Variants in KDM5C observed in about 807,000 individuals in gnomAD.
The protein encoded by KDM5C is lysine demethylase 5C.
In KDM5C, 16 loss-of-function variants were observed where a neutral mutation model predicts 110.6. The observed-to-expected ratio is 0.14, with a 90% CI of 0.10 to 0.22. The LOEUF is 0.22. Ranked by LOEUF, KDM5C falls within the 10% of genes least tolerant of loss-of-function variation. The probability of loss-of-function intolerance (pLI) is 1.00; values close to 1 mark genes in which losing one functional copy is unlikely to be tolerated. For missense variants in KDM5C, 681 were observed against 1,300.9 expected (o/e 0.52, Z 7.33); for synonymous variants, 511 against 520.4 (o/e 0.98, Z 0.24).
intron 8 of KDM5C, among the ~76,000 whole-genome samples, chrX:53,213,511 A>C (rs782086392): frequency 9.9e-5 from 11 of 111,600 alleles, no homozygotes; most frequent in African/African-American, 2.9e-4. Flanking sequence ...GAAGTTCATG[A>C]AATGTACCTG....
At position 53,192,616 on chromosome X, in the gene KDM5C, G is replaced by A. The variant is rs1004477853; in HGVS notation, c.*351C>T. On this transcript the variant is annotated 3_prime_UTR_variant, in exon 26 of 26. Transcript: ENST00000375401. The stretch of plus-strand genomic sequence containing the variant: ...GACCAGAACTGGGGAGAGAAGGGAG[G>A]AGAGTCCCCCAGTTTGCATATACAC... 315 of 690,947 alleles carry A rather than the reference G, an allele frequency of 4.6e-4. No individual in the cohort carries two copies. The highest frequency in any genetic ancestry group is 6.3e-4 in the Non-Finnish European group (290 of 457,710). 56.9% of individuals were successfully genotyped at this position (690,947 alleles called of 1,213,427 possible).
chrX:53,206,863 C>CAAAAAA (rs58880985), intron 12 of KDM5C, among the ~76,000 whole-genome samples: 1 of 22,344 alleles, frequency 4.5e-5, no homozygotes, highest in African/African-American at 2.3e-4. Flanking sequence ...GATTCCTTCT[C>CAAAAAA]AAAAAAAAAA....
At position 53,193,311 on chromosome X, in the gene KDM5C, C is replaced by T. The variant is rs1556832633; in HGVS notation, c.4339G>A (p.Gly1447Arg). The T allele has an allele frequency of 3.3e-6, 4 of 1,210,792 alleles. No homozygotes were observed. The highest frequency in any genetic ancestry group is 3.4e-6 in the Non-Finnish European group (3 of 895,333). The change falls in exon 26 of 26, where the codon GGG becomes AGG. Residue 1447 changes from glycine (G) to arginine (R), a missense_variant. Gly to Arg is a moderately radical substitution (Grantham distance 125). Transcript: ENST00000375401. ...AGGGCCCGGCCCCGAGCCCGACTCC[C>T]GTGACGCTCTGCCTTCTCCAGCTGT... is the stretch of plus-strand genomic sequence containing the variant. ...LLELEKAERHGSRARGRALER... is the reference protein window; with the variant it reads ...LLELEKAERHRSRARGRALER...
At chrX:53,210,960 A>G in intron 10 of KDM5C, 103 bp from the exon 11 acceptor site, 1 of 764,724 alleles carries the variant, frequency 1.3e-6, no homozygotes, top group East Asian at 3.3e-5. Flanking sequence ...TTGAGGTCAG[A>G]GACTTTTTTG....
intron 12 of KDM5C, among the ~76,000 whole-genome samples, chrX:53,203,417 G>T (rs1345990912): frequency 9.0e-6 from 1 of 111,221 alleles, no homozygotes; most frequent in African/African-American, 3.3e-5. Flanking sequence ...TTTCATTAAT[G>T]ATTTCATCCT....
chrX:53,203,261 A>C lies in KDM5C; in HGVS notation c.1747-1288T>G, dbSNP rs782389833. Among the ~76,000 whole-genome samples the C allele has an allele frequency of 3.6e-5, 4 of 110,932 alleles. No individual in the cohort carries two copies. In the South Asian group the frequency reaches 1.5e-3, roughly 42 times the overall value. The stretch of plus-strand genomic sequence containing the variant: ...TTGAAACCTGTTTCTCTCTCTCTCG[A>C]GCTTATAGGATTCTTCTGGTCTCAG... On this transcript the variant is annotated intron_variant, in intron 12 of 25. Coordinates refer to ENST00000375401, the MANE Select transcript of KDM5C (RefSeq NM_004187.5).
intron 5 of KDM5C, 139 bp downstream of exon 5, chrX:53,217,002 CAG>C: frequency 1.3e-6 from 1 of 753,770 alleles, no homozygotes; most frequent in Non-Finnish European, 2.0e-6. Flanking sequence ...AGAGTGAAGC[CAG>C]AGAGAGGCAC....
Position 53,196,955 on chromosome X carries a change from C to T in KDM5C, c.2712G>A (p.Leu904=), listed in dbSNP as rs781869873. 8.4e-7 allele frequency: 1 copy of T among 1,195,893 alleles called. No homozygotes were observed. The highest frequency in any genetic ancestry group is 3.0e-5 in the East Asian group (1 of 32,990). Residue 904 remains leucine, a synonymous_variant, in exon 19 of 26, where the codon CTG becomes CTA. Coordinates refer to ENST00000375401, the MANE Select transcript of KDM5C (RefSeq NM_004187.5). ...LPSSPGLLQS[L]LERGRQLGVE... is the part of the protein sequence containing the mutation. Reference sequence around the variant, plus strand: ...CCCCCAGCTGCCGCCCCCTCTCCAACAGGGACTGCAGTAGCCCTGGACTGG... The same window carrying T: ...CCCCCAGCTGCCGCCCCCTCTCCAATAGGGACTGCAGTAGCCCTGGACTGG...
intron 1 of KDM5C, among the ~76,000 whole-genome samples, chrX:53,223,656 C>T (rs1452054995): frequency 1.8e-5 from 2 of 112,220 alleles, no homozygotes; most frequent in African/African-American, 6.5e-5. Flanking sequence ...CAGCAGCTTG[C>T]CCTAGCCCTT....
At chrX:53,217,509 T>A (rs1351945342) in intron 4 of KDM5C, among the ~76,000 whole-genome samples, 1 of 111,148 alleles carries the variant, frequency 9.0e-6, no homozygotes, top group Non-Finnish European at 1.9e-5. Flanking sequence ...ACCAACCATC[T>A]CCCCAACTAA....
chrX:53,204,337 T>A (rs2146881154), intron 12 of KDM5C, among the ~76,000 whole-genome samples: 1 of 104,376 alleles, frequency 9.6e-6, no homozygotes, highest in East Asian at 3.2e-4. Flanking sequence ...AACCTCAGCA[T>A]CCAGTATGAT....
At chrX:53,190,782 T>C (rs1556829955), downstream of KDM5C, among the ~76,000 whole-genome samples, 1 of 111,682 alleles carries the variant, frequency 9.0e-6, no homozygotes. Context: ...CGGGCTTTCT[T>C]ATTTACCACT....
At chrX:53,205,374 C>G (rs1434351570) in intron 12 of KDM5C, among the ~76,000 whole-genome samples, 1 of 112,404 alleles carries the variant, frequency 8.9e-6, no homozygotes, top group Non-Finnish European at 1.9e-5. Context: ...TTGGACCATG[C>G]ATCAGCTCCC....
At chrX:53,212,306 CTT>C (rs1188707416) in intron 8 of KDM5C, 1,713 of 131,706 alleles carry the variant, frequency 0.013, 1 homozygote, top group South Asian at 0.016. Context: ...AAATGTGATT[CTT>C]TTTTTTTTTT....
intron 12 of KDM5C, among the ~76,000 whole-genome samples, chrX:53,204,658 G>A (rs782083715): frequency 6.3e-5 from 7 of 111,248 alleles, no homozygotes; most frequent in South Asian, 7.5e-4. Flanking sequence ...CACCATGCCC[G>A]GCTAATTTTT....
intron 14 of KDM5C, among the ~76,000 whole-genome samples, chrX:53,199,380 A>G (rs1456844939): frequency 9.0e-6 from 1 of 111,655 alleles, no homozygotes; most frequent in African/African-American, 3.3e-5. Context: ...GCTGAGTCAG[A>G]TAATTTTATA....
rs1480007973 is a variant in KDM5C, at chrX:53,224,981, C to T, written c.-92G>A. ...CGCTGTTTGAAGCCGAGGCAATGCT[C>T]GGAGGCTAGGCCCTAAGCGGGGCAG... On this transcript the variant is annotated 5_prime_UTR_variant, in exon 1 of 26. Coordinates refer to ENST00000375401, the MANE Select transcript of KDM5C (RefSeq NM_004187.5). 3.5e-5 allele frequency: 37 copies of T among 1,047,675 alleles called. No individual in the cohort carries two copies. The highest frequency in any genetic ancestry group is 2.5e-6 in the Non-Finnish European group (2 of 795,822). 86.3% of individuals were successfully genotyped at this position (1,047,675 alleles called of 1,213,427 possible). A position where few individuals can be genotyped will look rare whatever the true frequency, so the allele number is the denominator to read the frequency against.
At chrX:53,196,305 T>C (rs1211435839) in intron 19 of KDM5C, among the ~76,000 whole-genome samples, 1 of 112,354 alleles carries the variant, frequency 8.9e-6, no homozygotes, top group Non-Finnish European at 1.9e-5. Context: ...GCTGGCCTGC[T>C]AGCAATGCCT....
chrX:53,199,671 A>T (rs1339033905), intron 14 of KDM5C, among the ~76,000 whole-genome samples: 3 of 112,145 alleles, frequency 2.7e-5, no homozygotes, highest in Non-Finnish European at 5.6e-5. Flanking sequence ...CAGGGTTTAA[A>T]GAGATATAAT....
Sources: allele counts gnomAD v4.1 joint callset (sites outside exome capture counted in the v4.1 genomes callset), GRCh38; gene constraint gnomAD v4.1.1; transcripts MANE v1.5; gene names NCBI Gene and HGNC (gene_info 2026-07-23, HGNC 2026-07-21).